Variants in RAB6B observed in about 807,000 individuals in gnomAD.
The protein encoded by RAB6B is RAB6B, member RAS oncogene family.
In RAB6B, 7 loss-of-function variants were observed where a neutral mutation model predicts 31.2. That is an observed-to-expected ratio of 0.22 (90% confidence interval 0.13 to 0.42). The LOEUF (loss-of-function observed/expected upper bound fraction) is 0.42, where lower values mean the gene tolerates loss of function less well. RAB6B is among the 10% of genes least tolerant of loss of function. RAB6B has a pLI of 1.00. For synonymous variants in RAB6B, 105 were observed against 104.9 expected (o/e 1.00, Z -0.01); for missense variants, 149 against 280.6 (o/e 0.53, Z 3.35).
At chr3:133,841,544 G>T in intron 3 of RAB6B, 66 bp downstream of exon 3, 1 of 1,580,328 alleles carries the variant, frequency 6.3e-7, no homozygotes, top group Non-Finnish European at 8.7e-7. Flanking sequence ...GCCCAGCTAA[G>T]GGTCCTAGGG....
intron 1 of RAB6B, among the ~76,000 whole-genome samples, chr3:133,873,139 T>A (rs557740369): frequency 1.3e-5 from 2 of 152,066 alleles, no homozygotes; most frequent in Non-Finnish European, 2.9e-5. Flanking sequence ...GGCGAGTGCA[T>A]CCTAAAGGAT....
chr3:133,864,677 G>T, intron 1 of RAB6B, 35 bp from the exon 2 acceptor site: 2 of 1,586,784 alleles, frequency 1.3e-6, no homozygotes, highest in Non-Finnish European at 1.7e-6. Context: ...GTTCAGTCAT[G>T]GCATCTGAGC....
intron 1 of RAB6B, among the ~76,000 whole-genome samples, chr3:133,867,674 C>T (rs1242178612): frequency 6.6e-6 from 1 of 152,148 alleles, no homozygotes; most frequent in African/African-American, 2.4e-5. Context: ...GGGGCCTTTC[C>T]CCACTTGGTA....
rs5852771 is a variant in RAB6B, at chr3:133,889,388, TTATATATATATATATA to T, written c.70+5993_70+6008del. ...ACAAAAGGACAATAAGGTTATTTTGTTATATATATATATATATATATATATATATATATATATATAT... is the reference window on the plus strand; with the variant it reads ...ACAAAAGGACAATAAGGTTATTTTGTTATATATATATATATATATATATAT... On this transcript the variant is annotated intron_variant, in intron 1 of 7. Transcript: ENST00000285208. Among the ~76,000 whole-genome samples, 417 of 80,202 alleles carry T rather than the reference TTATATATATATATATA, an allele frequency of 5.2e-3. 4 individuals are homozygous for T. Among genetic ancestry groups the T allele is most frequent in the East Asian group, 0.015 (33 of 2,240 alleles). The allele number at this position is 80,202 out of a possible 152,430, so 52.6% of individuals were successfully genotyped here.
chr3:133,829,389 G>A (rs922309496), intron 7 of RAB6B, among the ~76,000 whole-genome samples: 2 of 152,160 alleles, frequency 1.3e-5, no homozygotes, highest in Non-Finnish European at 2.9e-5. Context: ...CAGCCCCCTC[G>A]CCAGCCCTTT....
rs1935584056 is a variant in RAB6B, at chr3:133,827,526, G to C, written c.*1262C>G. On this transcript the variant is annotated 3_prime_UTR_variant, in exon 8 of 8. Coordinates refer to ENST00000285208, the MANE Select transcript of RAB6B (RefSeq NM_016577.4). ...AAAAATGGAAGAGATGGCTCTCTGG[G>C]GGCAAGCAGCCTTCTGGAGACCCCA... is the stretch of plus-strand genomic sequence containing the variant. 9.3e-6 allele frequency: 2 copies of C among 215,708 alleles called. No individual in the cohort carries two copies. The highest frequency in any genetic ancestry group is 1.8e-5 in the Non-Finnish European group (2 of 109,266). The allele number at this position is 215,708 out of a possible 1,614,324, so 13.4% of individuals were successfully genotyped here.
chr3:133,843,762 TG>T (rs536604735), intron 2 of RAB6B, among the ~76,000 whole-genome samples: 319 of 152,302 alleles, frequency 2.1e-3, no homozygotes, highest in Non-Finnish European at 4.0e-3. Flanking sequence ...TAGGCATCTT[TG>T]GGGTCAGGTC....
intron 2 of RAB6B, among the ~76,000 whole-genome samples, chr3:133,852,964 G>T (rs1374159991): frequency 6.6e-6 from 1 of 152,230 alleles, no homozygotes; most frequent in Non-Finnish European, 1.5e-5. Flanking sequence ...GCTCCATGCA[G>T]TATTTCTGCT....
chr3:133,842,270 C>G (rs1170002181), intron 2 of RAB6B, among the ~76,000 whole-genome samples: 3 of 152,226 alleles, frequency 2.0e-5, no homozygotes, highest in Admixed American at 6.5e-5. Context: ...GTCACCAGCT[C>G]CCCTGTGCCA....
intron 1 of RAB6B, among the ~76,000 whole-genome samples, chr3:133,882,134 G>A (rs886741145): frequency 6.6e-6 from 1 of 152,018 alleles, no homozygotes; most frequent in African/African-American, 2.4e-5. Context: ...TTCCCCCCAC[G>A]GGCTGCTCTT....
chr3:133,864,139 C>T (rs111270954), intron 2 of RAB6B, among the ~76,000 whole-genome samples: 8 of 116,092 alleles, frequency 6.9e-5, no homozygotes, highest in South Asian at 6.1e-4. Flanking sequence ...TGTGTGCGCG[C>T]GTGTGTGTGT....
intron 1 of RAB6B, among the ~76,000 whole-genome samples, chr3:133,884,142 T>C (rs1321245356): frequency 6.6e-6 from 1 of 152,224 alleles, no homozygotes; most frequent in African/African-American, 2.4e-5. Context: ...AAATTAGGAT[T>C]ACTCCATGCA....
rs1032970459 is a variant in RAB6B at position 133,825,046 on chromosome 3, GGA to G, written c.*3740_*3741del. 1.3e-5 allele frequency: 2 copies of G among 152,212 alleles called. No homozygotes were observed. Among genetic ancestry groups the G allele is most frequent in the African/African-American group, 4.8e-5 (2 of 41,520 alleles). 9.4% of individuals were successfully genotyped at this position (152,212 alleles called of 1,614,324 possible). On this transcript the variant is annotated 3_prime_UTR_variant, in exon 8 of 8. Coordinates refer to ENST00000285208, the MANE Select transcript of RAB6B (RefSeq NM_016577.4). Reference sequence around the variant, plus strand: ...GGTGACAATGCCTCACATTCTTTGGGGAGAGGCAGTTCGGAAACGAGTGTGCG... The same window carrying G: ...GGTGACAATGCCTCACATTCTTTGGGGAGGCAGTTCGGAAACGAGTGTGCG...
chr3:133,892,266 C>T (rs1936647906), intron 1 of RAB6B, among the ~76,000 whole-genome samples: 1 of 152,182 alleles, frequency 6.6e-6, no homozygotes, highest in South Asian at 2.1e-4. Context: ...GCCTCCCTGC[C>T]ACAAGGAAAT....
chr3:133,889,840 C>T (rs1341709947), intron 1 of RAB6B, among the ~76,000 whole-genome samples: 1 of 152,192 alleles, frequency 6.6e-6, no homozygotes, highest in Non-Finnish European at 1.5e-5. Context: ...ATTATTACAT[C>T]TACGCAGCCA....
chr3:133,894,710 G>A (rs1371335523), intron 1 of RAB6B: 1 of 152,270 alleles, frequency 6.6e-6, no homozygotes, highest in Non-Finnish European at 1.5e-5. Flanking sequence ...TGGGCAGCAA[G>A]GAGACTAACA....
chr3:133,887,382 T>C lies in RAB6B; in HGVS notation c.70+8015A>G, dbSNP rs1396776634. Among the ~76,000 whole-genome samples, 3 of 152,134 alleles carry C rather than the reference T, an allele frequency of 2.0e-5. No individual in the cohort carries two copies. In the East Asian group the frequency reaches 5.8e-4, roughly 29 times the overall value. On this transcript the variant is annotated intron_variant, in intron 1 of 7. Transcript: ENST00000285208. ...GCACTCAGGTGTAGGGGGCCAGGAA[T>C]GCCTCCCAGGAGAGGAGGTGGTAGG...
chr3:133,829,170 C>T (rs1474529620), intron 7 of RAB6B, among the ~76,000 whole-genome samples: 1 of 152,212 alleles, frequency 6.6e-6, no homozygotes, highest in African/African-American at 2.4e-5. Context: ...ATGCCAGCTC[C>T]CAGCCCTGGC....
chr3:133,838,139 C>A (rs776559825), intron 6 of RAB6B, 27 bp downstream of exon 6: 1 of 1,590,256 alleles, frequency 6.3e-7, no homozygotes, highest in East Asian at 2.2e-5. Context: ...GGCCCCGTGC[C>A]GGGCCCCGTG....
Sources: gnomAD v4.1 joint callset for allele counts (sites outside exome capture counted in the v4.1 genomes callset) on GRCh38, gnomAD v4.1.1 for gene constraint, MANE v1.5 for transcripts, NCBI Gene and HGNC (gene_info 2026-07-23, HGNC 2026-07-21) for gene names.